Variants in FKBP3 observed in about 807,000 individuals in gnomAD.
FKBP3 encodes the protein peptidyl-prolyl cis-trans isomerase FKBP3.
A neutral mutation model predicts 30.6 loss-of-function variants in FKBP3; 21 were observed. The observed-to-expected ratio is 0.69, with a 90% CI of 0.49 to 0.99. The LOEUF (loss-of-function observed/expected upper bound fraction) is 0.99. Among genes scored for constraint, FKBP3 ranks in the 50% least tolerant of loss-of-function variants. FKBP3 has a pLI of 0.00. For missense variants in FKBP3, 283 were observed against 261.6 expected, an observed-to-expected ratio of 1.08 and a Z score of -0.56; for synonymous variants, 82 against 91.3, an observed-to-expected ratio of 0.90 and a Z score of 0.58.
In FKBP3 at chr14:45,121,489, T is replaced by C. The variant is rs1448522508; in HGVS notation, c.450A>G (p.Gln150=). ...TAAGATTCCATTTAGACTTACTTGT[T>C]TGAATATTAGTATCAAAAACAGTCC... The part of the protein sequence containing the change: ...QDGTVFDTNI[Q]TSAKKKKNAK... The change falls in exon 4 of 7, where the codon CAA becomes CAG. Residue 150 remains glutamine (Q), a synonymous_variant. Coordinates refer to ENST00000396062, the MANE Select transcript of FKBP3 (RefSeq NM_002013.4). The C allele has an allele frequency of 2.5e-6, 4 of 1,609,972 alleles. No individual in the cohort carries two copies. Among genetic ancestry groups the C allele is most frequent in the Non-Finnish European group, 3.4e-6 (4 of 1,178,030 alleles).
Position 45,116,865 on chromosome 14 carries a change from C to A in FKBP3, c.621-613G>T, listed in dbSNP as rs541998256. Among the ~76,000 whole-genome samples, 7 of 151,686 alleles carry A rather than the reference C, an allele frequency of 4.6e-5. No individual in the cohort carries two copies. The East Asian group carries it at 9.8e-4, about 21-fold the overall frequency. ...AGCGAGACCCTGTCTCAAAAAAAAA[C>A]CAAAACAAAATATGCTAACTTAAGA... On this transcript the variant is annotated intron_variant, in intron 6 of 6. Transcript: ENST00000396062.
chr14:45,118,502 G>A (rs996293066), intron 5 of FKBP3, among the ~76,000 whole-genome samples: 2 of 151,928 alleles, frequency 1.3e-5, no homozygotes, highest in Non-Finnish European at 2.9e-5. Flanking sequence ...GCGGTGGTGG[G>A]TGCCTGTAAT....
At chr14:45,119,353 T>C (rs1270589643) in intron 5 of FKBP3, among the ~76,000 whole-genome samples, 2 of 152,052 alleles carry the variant, frequency 1.3e-5, no homozygotes, top group Non-Finnish European at 2.9e-5. Flanking sequence ...AAGAGGGCGA[T>C]CACTTGAGGT....
At chr14:45,132,492 G>A (rs1434694915) in intron 1 of FKBP3, among the ~76,000 whole-genome samples, 1 of 152,046 alleles carries the variant, frequency 6.6e-6, no homozygotes, top group Admixed American at 6.5e-5. Context: ...CCCCCTCTTG[G>A]GTTGAAACGA....
At chr14:45,134,222 CT>C in intron 1 of FKBP3, 126 bp downstream of exon 1, 1 of 807,426 alleles carries the variant, frequency 1.2e-6, no homozygotes, top group Non-Finnish European at 2.0e-6. Context: ...CCTCTCCGGC[CT>C]TCCAGGCCAC....
At chr14:45,123,897 C>T (rs1418719788) in intron 3 of FKBP3, among the ~76,000 whole-genome samples, 11 of 151,960 alleles carry the variant, frequency 7.2e-5, no homozygotes, top group African/African-American at 2.4e-4. Flanking sequence ...GGATTACAAG[C>T]GTGAGCCACC....
intron 1 of FKBP3, among the ~76,000 whole-genome samples, chr14:45,132,766 A>G (rs1357170240): frequency 6.6e-6 from 1 of 152,140 alleles, no homozygotes; most frequent in Admixed American, 6.6e-5. Flanking sequence ...TAATGTTATA[A>G]AAACATTTTG....
At chr14:45,124,228 C>T (rs1885048759) in intron 3 of FKBP3, among the ~76,000 whole-genome samples, 1 of 152,064 alleles carries the variant, frequency 6.6e-6, no homozygotes, top group Non-Finnish European at 1.5e-5. Flanking sequence ...CAGGTGCATA[C>T]AGCATAGAAA....
chr14:45,132,028 C>T (rs919913627), intron 1 of FKBP3, among the ~76,000 whole-genome samples: 2 of 152,182 alleles, frequency 1.3e-5, no homozygotes, highest in Non-Finnish European at 2.9e-5. Context: ...TTTTATTCTG[C>T]TTCTTTTTCT....
Position 45,121,628 on chromosome 14 carries a change from C to CA in FKBP3, c.319-9dup, listed in dbSNP as rs1566704563. The stretch of plus-strand genomic sequence containing the variant: ...AGTATATTTTGGTGGACCCTAAAAA[C>CA]AAAAAACAACACACACACACAGAGT... On this transcript the variant is annotated splice_polypyrimidine_tract_variant and intron_variant, in intron 3 of 6. Transcript: ENST00000396062. 3 of 1,609,282 alleles carry CA rather than the reference C, an allele frequency of 1.9e-6. No individual in the cohort carries two copies. Among genetic ancestry groups the CA allele is most frequent in the Non-Finnish European group, 2.5e-6 (3 of 1,178,286 alleles).
Position 45,121,514 on chromosome 14 carries a change from C to A in FKBP3, c.425G>T (p.Gly142Val). The A allele has an allele frequency of 6.2e-7, 1 of 1,612,576 alleles. No homozygotes were observed. Among genetic ancestry groups the A allele is most frequent in the Non-Finnish European group, 8.5e-7 (1 of 1,179,294 alleles). The change falls in exon 4 of 7, where the codon GGG becomes GTG. Residue 142 changes from glycine (G) to valine (V), a missense_variant. Gly to Val is a moderately radical substitution (Grantham distance 109). Coordinates refer to ENST00000396062, the MANE Select transcript of FKBP3 (RefSeq NM_002013.4). Reference sequence around the variant, plus strand: ...TTGAATATTAGTATCAAAAACAGTCCCATCTTGTAGTGTTCCTGTATACCA... The same window carrying A: ...TTGAATATTAGTATCAAAAACAGTCACATCTTGTAGTGTTCCTGTATACCA... ...HCWYTGTLQD[G>V]TVFDTNIQTS...
intron 3 of FKBP3, among the ~76,000 whole-genome samples, chr14:45,127,355 T>C (rs1885123420): frequency 6.6e-6 from 1 of 151,814 alleles, no homozygotes; most frequent in African/African-American, 2.4e-5. Flanking sequence ...CCTCAGGTGA[T>C]CCGCCTGCCT....
rs534307288 is a variant in FKBP3, at chr14:45,119,628, A to G, written c.522+1259T>C. 3.9e-5 allele frequency among the ~76,000 whole-genome samples: 6 copies of G among 152,200 alleles called. No individual in the cohort carries two copies. In the South Asian group the frequency reaches 1.0e-3, roughly 26 times the overall value. On this transcript the variant is annotated intron_variant, in intron 5 of 6. Coordinates refer to ENST00000396062, the MANE Select transcript of FKBP3 (RefSeq NM_002013.4). ...TACCAGTATGCAAATAAGTTACAGA[A>G]ATAGAAAAATGGCCCAATTTGATAA...
At position 45,127,115 on chromosome 14, in the gene FKBP3, C is replaced by CTTTTTTTTTTTTTT. The variant is rs1231283034; in HGVS notation, c.318+2665_318+2678dup. Among the ~76,000 whole-genome samples, 110 of 120,654 alleles carry CTTTTTTTTTTTTTT rather than the reference C, an allele frequency of 9.1e-4. 1 individual carries two copies. Among genetic ancestry groups the CTTTTTTTTTTTTTT allele is most frequent in the East Asian group, 1.4e-3 (6 of 4,262 alleles). The allele number at this position is 120,654 out of a possible 152,430, so 79.2% of individuals were successfully genotyped here. A position where few individuals can be genotyped will look rare whatever the true frequency, so the allele number is the denominator to read the frequency against. On this transcript the variant is annotated intron_variant, in intron 3 of 6. Transcript: ENST00000396062. Reference sequence around the variant, plus strand: ...AGCCACTGTACCTGACTGACCCTGTCTTTTTTTTTTTTTTTGAGACAGAGT... The same window carrying CTTTTTTTTTTTTTT: ...AGCCACTGTACCTGACTGACCCTGTCTTTTTTTTTTTTTTTTTTTTTTTTTTTTTGAGACAGAGT...
Position 45,120,029 on chromosome 14 carries a change from T to A in FKBP3, c.522+858A>T, listed in dbSNP as rs1009655336. Among the ~76,000 whole-genome samples, 98 of 152,288 alleles carry A rather than the reference T, an allele frequency of 6.4e-4. 1 individual carries two copies. Among genetic ancestry groups the A allele is most frequent in the African/African-American group, 2.1e-3 (87 of 41,568 alleles). On this transcript the variant is annotated intron_variant, in intron 5 of 6. Coordinates refer to ENST00000396062, the MANE Select transcript of FKBP3 (RefSeq NM_002013.4). ...TTATAAGTTATGCTCAACTAAACCT[T>A]TAGTTTTAAGATGTTTTATATTCTG...
chr14:45,134,375 A>G lies in FKBP3; in HGVS notation c.82T>C (p.Phe28Leu), dbSNP rs1304836222. 1.2e-6 allele frequency: 2 copies of G among 1,613,734 alleles called. No homozygotes were observed. Among genetic ancestry groups the G allele is most frequent in the Non-Finnish European group, 1.7e-6 (2 of 1,179,852 alleles). ...GAATCTGAACCGTGTTCCTGCAGAA[A>G]CTTGATAATGTCCTTCTTGGGCAGC... is the stretch of plus-strand genomic sequence containing the variant. ...EQLPKKDIIK[F>L]LQEHGSDSFL... The change falls in exon 1 of 7, where the codon TTT (phenylalanine) becomes CTT (leucine). Residue 28 changes from phenylalanine to leucine, a missense_variant. Coordinates refer to ENST00000396062, the MANE Select transcript of FKBP3 (RefSeq NM_002013.4).
intron 3 of FKBP3, among the ~76,000 whole-genome samples, chr14:45,124,767 C>T (rs531584950): frequency 1.3e-5 from 2 of 151,898 alleles, no homozygotes; most frequent in African/African-American, 2.4e-5. Context: ...AAAAATATTA[C>T]TGTCTGTAAG....
intron 1 of FKBP3, chr14:45,131,083 A>G (rs946920795): frequency 2.3e-5 from 5 of 215,472 alleles, no homozygotes; most frequent in Non-Finnish European, 4.6e-5. Context: ...AAAAAATAAC[A>G]TTTATACAGC....
At chr14:45,122,079 C>G (rs1884997202) in intron 3 of FKBP3, among the ~76,000 whole-genome samples, 1 of 152,064 alleles carries the variant, frequency 6.6e-6, no homozygotes, top group Non-Finnish European at 1.5e-5. Context: ...GTGATATTGC[C>G]TCTGTCCCCG....
Sources: gnomAD v4.1 joint callset for allele counts (sites outside exome capture counted in the v4.1 genomes callset) on GRCh38, gnomAD v4.1.1 for gene constraint, MANE v1.5 for transcripts, NCBI Gene and HGNC (gene_info 2026-07-23, HGNC 2026-07-21) for gene names.